Variants in PMPCB observed in about 807,000 individuals in gnomAD.
PMPCB encodes peptidase, mitochondrial processing subunit beta.
Under a neutral mutation model 61.5 loss-of-function variants are expected in PMPCB, and 46 were observed. The ratio of observed to expected loss-of-function variants is 0.75; its 90% CI spans 0.59 to 0.96. The LOEUF (loss-of-function observed/expected upper bound fraction) is 0.96, where lower values mean the gene tolerates loss of function less well. Among genes scored for constraint, PMPCB ranks in the 40% least tolerant of loss-of-function variants. The probability of loss-of-function intolerance (pLI) is 0.00; values close to 1 mark genes in which losing one functional copy is unlikely to be tolerated. For synonymous variants in PMPCB, 191 were observed against 201.6 expected, an observed-to-expected ratio of 0.95 and a Z score of 0.44; for missense variants, 590 against 602.4, an observed-to-expected ratio of 0.98 and a Z score of 0.22.
chr7:103,322,498 A>C, intron 12 of PMPCB: 2 of 1,449,260 alleles, frequency 1.4e-6, no homozygotes, highest in Non-Finnish European at 1.9e-6. Context: ...ACCTTCATTA[A>C]ATGTTGTCTT....
intron 12 of PMPCB, among the ~76,000 whole-genome samples, chr7:103,326,177 C>T (rs556938256): frequency 6.6e-6 from 1 of 152,116 alleles, no homozygotes; most frequent in South Asian, 2.1e-4. Context: ...AGGGTTTCAC[C>T]ATGTTGGCCA....
At chr7:103,312,021 C>A in intron 11 of PMPCB, 35 bp from the exon 12 acceptor site, 1 of 1,596,466 alleles carries the variant, frequency 6.3e-7, no homozygotes, top group Non-Finnish European at 8.6e-7. Flanking sequence ...GTTTTTACTA[C>A]AAACAGCTGA....
At position 103,307,274 on chromosome 7, in the gene PMPCB, T is replaced by G. The variant is rs145388057; in HGVS notation, c.737-322T>G. On this transcript the variant is annotated intron_variant, in intron 6 of 12. Transcript: ENST00000249269. ...TTTTTTGAAAATTGGCATTTTTTGC[T>G]AGTTTGGATCCCAGAGGTTTTTATA... 2.3e-3 allele frequency among the ~76,000 whole-genome samples: 352 copies of G among 152,348 alleles called. 2 individuals carry two copies. Among genetic ancestry groups the G allele is most frequent in the African/African-American group, 8.1e-3 (335 of 41,584 alleles).
At chr7:103,333,661 C>T (rs1203492480), downstream of PMPCB, among the ~76,000 whole-genome samples, 1 of 152,184 alleles carries the variant, frequency 6.6e-6, no homozygotes, top group Non-Finnish European at 1.5e-5. Flanking sequence ...TTCCACTGGG[C>T]TCCCATCCTC....
chr7:103,337,675 A>T, the PMPCB span: 4 of 1,323,234 alleles, frequency 3.0e-6, no homozygotes, highest in Non-Finnish European at 4.3e-6. Flanking sequence ...TCTTTTAAAA[A>T]GCATAGCCAG....
chr7:103,332,171 AT>A (rs1315460647), downstream of PMPCB, among the ~76,000 whole-genome samples: 5 of 151,766 alleles, frequency 3.3e-5, no homozygotes, highest in East Asian at 3.9e-4. Flanking sequence ...CGCCTGCCTA[AT>A]TTTTTTGTAT....
In PMPCB at chr7:103,322,630, T is replaced by C. The variant is rs1333411879; in HGVS notation, c.*1432-6301T>C. Reference sequence around the variant, plus strand: ...ATCCTTGGATCACAGCTGTATGCATTGTCTAGCAAAAGAAAAAGTTAATCT... The same window carrying C: ...ATCCTTGGATCACAGCTGTATGCATCGTCTAGCAAAAGAAAAAGTTAATCT... On this transcript the variant is annotated intron_variant and NMD_transcript_variant, in intron 12 of 12. Coordinates refer to the PMPCB transcript ENST00000444457. The C allele has an allele frequency of 1.2e-6, 2 of 1,613,106 alleles. 1 individual carries two copies. Among genetic ancestry groups the C allele is most frequent in the Admixed American group, 3.3e-5 (2 of 59,908 alleles).
At position 103,298,550 on chromosome 7, in the gene PMPCB, C is replaced by T; in HGVS notation, c.100-18C>T. Reference sequence around the variant, plus strand: ...AATGTGTTTTGCTTTGTCTCTTCCACTTCCTACCCCCAACCAGTCATTATA... The same window carrying T: ...AATGTGTTTTGCTTTGTCTCTTCCATTTCCTACCCCCAACCAGTCATTATA... On this transcript the variant is annotated intron_variant, in intron 1 of 12. Transcript: ENST00000249269. 1 of 1,612,048 alleles carries T rather than the reference C, an allele frequency of 6.2e-7. No homozygotes were observed. Among genetic ancestry groups the T allele is most frequent in the Non-Finnish European group, 8.5e-7 (1 of 1,178,986 alleles).
downstream of PMPCB, chr7:103,317,411 A>AT (rs1463419773): frequency 6.1e-6 from 1 of 164,746 alleles, no homozygotes; most frequent in South Asian, 2.0e-4. Context: ...GCATAGCAAA[A>AT]TGGCCTCTTT....
At chr7:103,329,692 G>C (rs1402971302), downstream of PMPCB, among the ~76,000 whole-genome samples, 1 of 151,988 alleles carries the variant, frequency 6.6e-6, no homozygotes, top group Non-Finnish European at 1.5e-5. Context: ...CACTATAATA[G>C]TAAATTTTAC....
At chr7:103,336,920 C>G in the PMPCB span, 1 of 151,972 alleles carries the variant, frequency 6.6e-6, no homozygotes, top group African/African-American at 2.4e-5. Flanking sequence ...TAATTTTTAC[C>G]ACAGGCATTC....
the PMPCB span, chr7:103,336,994 C>G: frequency 6.6e-6 from 1 of 152,222 alleles, no homozygotes; most frequent in Non-Finnish European, 1.5e-5. Context: ...ACTCCCTGCT[C>G]CTTTTCCATG....
intron 1 of PMPCB, among the ~76,000 whole-genome samples, 154 bp from the exon 2 acceptor site, chr7:103,298,414 G>T (rs1008120140): frequency 4.6e-5 from 7 of 152,116 alleles, no homozygotes; most frequent in African/African-American, 1.2e-4. Context: ...ATGTTTCTAG[G>T]CCAGGCAGAG....
In PMPCB at chr7:103,310,450, A is replaced by G. The variant is rs755279410; in HGVS notation, c.1129A>G (p.Met377Val). The change falls in exon 9 of 13, where the codon ATG becomes GTG. Residue 377 changes from methionine (M) to valine (V), a missense_variant. By Grantham distance (21) the Met-to-Val change is conservative. Transcript: ENST00000249269. ...TTGTGAATCATCCACTGTTGCAGAC[A>G]TGCTACATGTTGTTCAAAAAGAATG... Reference protein sequence around the residue: ...MVCESSTVADMLHVVQKEWMR... With the variant: ...MVCESSTVADVLHVVQKEWMR... 17 of 1,610,140 alleles carry G rather than the reference A, an allele frequency of 1.1e-5. No individual in the cohort carries two copies. Among genetic ancestry groups the G allele is most frequent in the Non-Finnish European group, 1.4e-5 (16 of 1,178,680 alleles).
At position 103,312,106 on chromosome 7, in the gene PMPCB, T is replaced by C. The variant is rs1319599339; in HGVS notation, c.1380T>C (p.Asn460=). ...AAGTATGTACCAAATACATTTATAA[T>C]AGGAGTCCAGCTATTGCTGCTGTTG... ...IREVCTKYIY[N]RSPAIAAVGP... The change falls in exon 12 of 13, where the codon AAT becomes AAC. Residue 460 remains asparagine, a synonymous_variant. Transcript: ENST00000249269. 3.7e-6 allele frequency: 6 copies of C among 1,614,070 alleles called. No individual in the cohort carries two copies. Among genetic ancestry groups the C allele is most frequent in the Non-Finnish European group, 5.1e-6 (6 of 1,179,952 alleles).
the PMPCB span, among the ~76,000 whole-genome samples, chr7:103,342,837 T>C: frequency 4.6e-5 from 7 of 151,672 alleles, no homozygotes; most frequent in Admixed American, 6.6e-5. Flanking sequence ...CTTGATCTCC[T>C]GACCTCGTGA....
At position 103,314,487 on chromosome 7, in the gene PMPCB, T is replaced by C; in HGVS notation, c.*2216T>C. The C allele has an allele frequency of 1.0e-6, 1 of 985,272 alleles. No individual in the cohort carries two copies. Among genetic ancestry groups the C allele is most frequent in the South Asian group, 4.7e-5 (1 of 21,290 alleles). The allele number at this position is 985,272 out of a possible 1,614,324, so 61.0% of individuals were successfully genotyped here. A position where few individuals can be genotyped will look rare whatever the true frequency, so the allele number is the denominator to read the frequency against. On this transcript the variant is annotated 3_prime_UTR_variant, in exon 13 of 13. Transcript: ENST00000249269. ...CCTCACAGAAAGCAGACTGGACAAA[T>C]ATCAGGGCCCACCTCCCTCCAACAT... is the stretch of plus-strand genomic sequence containing the variant.
chr7:103,308,847 C>T, intron 7 of PMPCB, 105 bp from the exon 8 acceptor site: 1 of 794,728 alleles, frequency 1.3e-6, no homozygotes, highest in Non-Finnish European at 1.9e-6. Context: ...TCCTGGTGTG[C>T]ATTTTAACTT....
chr7:103,325,601 C>T (rs1003886041), intron 12 of PMPCB, among the ~76,000 whole-genome samples: 1 of 152,166 alleles, frequency 6.6e-6, no homozygotes, highest in Non-Finnish European at 1.5e-5. Context: ...GAAATTCAAA[C>T]CAATAAATCA....
Sources: allele counts gnomAD v4.1 joint callset (sites outside exome capture counted in the v4.1 genomes callset), GRCh38; gene constraint gnomAD v4.1.1; transcripts MANE v1.5; gene names NCBI Gene and HGNC (gene_info 2026-07-23, HGNC 2026-07-21).